DLG2: variants seen among roughly 807,000 people sequenced by gnomAD.
DLG2 encodes the protein disks large homolog 2.
In DLG2, 45 loss-of-function variants were observed where a neutral mutation model predicts 132.5. The ratio of observed to expected loss-of-function variants is 0.34; its 90% confidence interval spans 0.27 to 0.44. The LOEUF is 0.44. Among genes scored for constraint, DLG2 ranks in the 20% least tolerant of loss-of-function variants. The pLI is 1.00. For missense variants in DLG2, 1,045 were observed against 1,196.9 expected (o/e 0.87, Z 1.87); for synonymous variants, 424 against 419.6 (o/e 1.01, Z -0.13).
intron 7 of DLG2, among the ~76,000 whole-genome samples, chr11:84,344,541 T>C (rs932299274): frequency 2.6e-5 from 4 of 152,162 alleles, no homozygotes; most frequent in Admixed American, 6.5e-5. Flanking sequence ...GGTTGAAAGC[T>C]CAGTGAAGTG....
intron 6 of DLG2, among the ~76,000 whole-genome samples, chr11:84,759,107 G>A (rs1035146373): frequency 2.0e-5 from 3 of 151,978 alleles, no homozygotes; most frequent in African/African-American, 4.8e-5. Context: ...TGAACTCCTG[G>A]CCTCAAGCAA....
At chr11:84,635,549 T>C in intron 6 of DLG2, among the ~76,000 whole-genome samples, 2 of 152,300 alleles carry the variant, frequency 1.3e-5, no homozygotes, top group Non-Finnish European at 2.9e-5. Flanking sequence ...ATTATTATTA[T>C]TTAATACTTG....
At chr11:84,695,644 T>G (rs1457508042) in intron 6 of DLG2, among the ~76,000 whole-genome samples, 1 of 151,532 alleles carries the variant, frequency 6.6e-6, no homozygotes, top group African/African-American at 2.4e-5. Context: ...CTTTATAAAT[T>G]AGGCTATAAT....
At chr11:84,740,527 A>G (rs1234441627) in intron 6 of DLG2, among the ~76,000 whole-genome samples, 1 of 152,042 alleles carries the variant, frequency 6.6e-6, no homozygotes, top group African/African-American at 2.4e-5. Context: ...GCAGCAATAC[A>G]GTTCCATATA....
intron 6 of DLG2, among the ~76,000 whole-genome samples, chr11:85,070,630 G>A (rs548316788): frequency 6.6e-6 from 1 of 151,880 alleles, no homozygotes; most frequent in South Asian, 2.1e-4. Context: ...CCCATAGCCT[G>A]TATCTAGGTA....
intron 7 of DLG2, among the ~76,000 whole-genome samples, chr11:84,400,099 A>T (rs1355788401): frequency 6.6e-6 from 1 of 152,206 alleles, no homozygotes; most frequent in Non-Finnish European, 1.5e-5. Context: ...CCCACACTCA[A>T]GGAGCTTATA....
intron 9 of DLG2, among the ~76,000 whole-genome samples, chr11:84,145,606 G>C (rs139912776): frequency 1.0e-3 from 154 of 152,252 alleles, no homozygotes; most frequent in African/African-American, 3.6e-3. Context: ...TGTCAAAGAT[G>C]GGGTAATATT....
At chr11:85,273,230 C>T (rs1386246693) in intron 4 of DLG2, among the ~76,000 whole-genome samples, 1 of 152,120 alleles carries the variant, frequency 6.6e-6, no homozygotes, top group Non-Finnish European at 1.5e-5. Context: ...AAAGCAATGG[C>T]AACAAAAGCC....
At chr11:83,533,040 A>T (rs1046064245) in intron 20 of DLG2, among the ~76,000 whole-genome samples, 8 of 152,206 alleles carry the variant, frequency 5.3e-5, no homozygotes, top group Non-Finnish European at 1.0e-4. Flanking sequence ...AGGTAGAAAA[A>T]AATAATATTT....
intron 21 of DLG2, among the ~76,000 whole-genome samples, chr11:83,516,672 A>C (rs919547947): frequency 3.3e-5 from 5 of 151,968 alleles, no homozygotes; most frequent in Admixed American, 6.6e-5. Flanking sequence ...CCGGTTGTTC[A>C]TTTCCATGTT....
In DLG2 at chr11:84,347,463, C is replaced by T. The variant is rs144412526; in HGVS notation, c.520-96172G>A. The stretch of plus-strand genomic sequence containing the variant: ...GGGAAATGAAATCAATCTCAACCCT[C>T]TCCCTTGACTATCTCCACTATAGGT... On this transcript the variant is annotated intron_variant, in intron 7 of 27. Transcript: ENST00000376104. Among the ~76,000 whole-genome samples, 279 of 152,312 alleles carry T rather than the reference C, an allele frequency of 1.8e-3. 1 individual carries two copies. Among genetic ancestry groups the T allele is most frequent in the Admixed American group, 4.5e-3 (69 of 15,290 alleles).
chr11:85,510,141 G>A (rs2094026499), intron 3 of DLG2: 1 of 151,700 alleles, frequency 6.6e-6, no homozygotes, highest in African/African-American at 2.4e-5. Flanking sequence ...AAAAGGCTCT[G>A]TAGAAGAGTA....
chr11:84,240,735 G>T (rs1463551157), intron 8 of DLG2, among the ~76,000 whole-genome samples: 4 of 152,218 alleles, frequency 2.6e-5, no homozygotes, highest in Non-Finnish European at 5.9e-5. Context: ...AAAGGCTCAA[G>T]AGGAGCTTGT....
At chr11:83,693,577 T>C (rs2081365591) in intron 18 of DLG2, among the ~76,000 whole-genome samples, 1 of 152,172 alleles carries the variant, frequency 6.6e-6, no homozygotes, top group Non-Finnish European at 1.5e-5. Context: ...GGGAAAGTAA[T>C]ACAAATTAAA....
chr11:85,146,663 T>C (rs988861362), intron 5 of DLG2, among the ~76,000 whole-genome samples: 1 of 152,160 alleles, frequency 6.6e-6, no homozygotes, highest in South Asian at 2.1e-4. Flanking sequence ...CTAAGGAGTC[T>C]TTCCCAAGCT....
intron 3 of DLG2, among the ~76,000 whole-genome samples, chr11:85,556,725 A>C (rs918242641): frequency 1.3e-5 from 2 of 151,868 alleles, no homozygotes; most frequent in East Asian, 3.8e-4. Flanking sequence ...ACCTATGTTC[A>C]CCAGGTAATC....
chr11:84,606,817 T>C (rs1400444365), intron 6 of DLG2, among the ~76,000 whole-genome samples: 1 of 152,074 alleles, frequency 6.6e-6, no homozygotes, highest in Non-Finnish European at 1.5e-5. Flanking sequence ...TGCGTTAAGC[T>C]CCTCTTTCTA....
chr11:85,339,236 T>C (rs1315747805), intron 3 of DLG2, among the ~76,000 whole-genome samples: 2 of 152,240 alleles, frequency 1.3e-5, no homozygotes, highest in South Asian at 2.1e-4. Context: ...GGATTTGCCA[T>C]AGCTTATGTA....
intron 3 of DLG2, among the ~76,000 whole-genome samples, chr11:85,306,313 A>G (rs1020394629): frequency 6.6e-6 from 1 of 152,174 alleles, no homozygotes. Flanking sequence ...TACTTTGGAT[A>G]CAGCAAAGAG....
Sources: gnomAD v4.1 joint callset for allele counts (sites outside exome capture counted in the v4.1 genomes callset) on GRCh38, gnomAD v4.1.1 for gene constraint, MANE v1.5 for transcripts, NCBI Gene and HGNC (gene_info 2026-07-23, HGNC 2026-07-21) for gene names.